Variants in ADAMTS9 observed in about 807,000 individuals in gnomAD.
ADAMTS9 encodes the protein ADAM metallopeptidase with thrombospondin type 1 motif 9.
Under a neutral mutation model 257.1 loss-of-function variants are expected in ADAMTS9, and 107 were observed. The observed-to-expected ratio is 0.42, with a 90% CI of 0.36 to 0.49. ADAMTS9 has a LOEUF of 0.49. Ranked by LOEUF, ADAMTS9 falls within the 20% of genes least tolerant of loss-of-function variation. The pLI, the probability that ADAMTS9 is intolerant of heterozygous loss-of-function variation, is 0.03. For synonymous variants in ADAMTS9, 982 were observed against 880.9 expected (o/e 1.11, Z -2.03); for missense variants, 2,353 against 2,469.1 (o/e 0.95, Z 1.00).
chr3:64,682,598 G>A (rs1322747788), intron 2 of ADAMTS9, among the ~76,000 whole-genome samples: 1 of 152,006 alleles, frequency 6.6e-6, no homozygotes, highest in African/African-American at 2.4e-5. Flanking sequence ...CTCATTTCCC[G>A]TGCTGGAAAA....
At chr3:64,685,847 G>T (rs1207119631) in intron 2 of ADAMTS9, among the ~76,000 whole-genome samples, 1 of 151,996 alleles carries the variant, frequency 6.6e-6, no homozygotes, top group Non-Finnish European at 1.5e-5. Context: ...CCACTATCCC[G>T]TTTCTCCCGG....
At chr3:64,627,010 G>T (rs1700239368) in intron 16 of ADAMTS9, among the ~76,000 whole-genome samples, 1 of 152,208 alleles carries the variant, frequency 6.6e-6, no homozygotes, top group Non-Finnish European at 1.5e-5. Flanking sequence ...CATTCAAATG[G>T]TGACAGTATG....
intron 3 of ADAMTS9, among the ~76,000 whole-genome samples, chr3:64,661,586 T>C (rs1390639602): frequency 6.6e-6 from 1 of 152,214 alleles, no homozygotes; most frequent in African/African-American, 2.4e-5. Context: ...CCCGAAATTG[T>C]GCTCTTTCGA....
rs112547780 is a variant in ADAMTS9, at chr3:64,633,816, C to T, written c.1920G>A (p.Glu640=). The part of the protein sequence containing the change: ...RRMKFKSCNT[E]PCLKQKRDFR... ...AGTCTCGCTTCTGCTTGAGACATGG[C>T]TCCGTGTTGCAGGACTTAAATTTCA... The change falls in exon 13 of 40, where the codon GAG becomes GAA. Residue 640 remains glutamate (E), a synonymous_variant. Coordinates refer to ENST00000498707, the MANE Select transcript of ADAMTS9 (RefSeq NM_182920.2). The T allele has an allele frequency of 2.2e-5, 35 of 1,613,356 alleles. No individual in the cohort carries two copies. Among genetic ancestry groups the T allele is most frequent in the African/African-American group, 1.1e-4 (8 of 74,818 alleles).
intron 21 of ADAMTS9, among the ~76,000 whole-genome samples, chr3:64,613,743 G>T (rs555345318): frequency 3.9e-4 from 60 of 152,182 alleles, no homozygotes; most frequent in African/African-American, 1.4e-3. Flanking sequence ...ACTAAACACA[G>T]CTCCATGCTA....
chr3:64,536,623 G>A (rs1410287243), intron 37 of ADAMTS9, among the ~76,000 whole-genome samples: 2 of 152,188 alleles, frequency 1.3e-5, no homozygotes, highest in Admixed American at 1.3e-4. Flanking sequence ...CGGCAGCTGT[G>A]TAGGTTTGGG....
At chr3:64,651,193 TC>T in intron 8 of ADAMTS9, 30 bp from the exon 9 acceptor site, 1 of 1,542,048 alleles carries the variant, frequency 6.5e-7, no homozygotes. Context: ...GATGAGAATG[TC>T]AATAAACACC....
chr3:64,649,409 T>C (rs1013527654), intron 10 of ADAMTS9, among the ~76,000 whole-genome samples: 2 of 152,146 alleles, frequency 1.3e-5, no homozygotes, highest in Middle Eastern at 3.2e-3. Flanking sequence ...CATCTTCCTT[T>C]TGGACTGTCA....
At chr3:64,534,859 A>G (rs1173133925) in intron 37 of ADAMTS9, among the ~76,000 whole-genome samples, 4 of 152,168 alleles carry the variant, frequency 2.6e-5, no homozygotes, top group African/African-American at 9.6e-5. Flanking sequence ...ACAGCCCACA[A>G]TAGAGAATTC....
At chr3:64,522,541 C>A in intron 38 of ADAMTS9, 1 of 262,044 alleles carries the variant, frequency 3.8e-6, no homozygotes, top group Non-Finnish European at 7.2e-6. Context: ...TTTCTTGACA[C>A]ATAAAATCAT....
At chr3:64,609,689 T>C (rs1489156596) in intron 22 of ADAMTS9, among the ~76,000 whole-genome samples, 2 of 152,184 alleles carry the variant, frequency 1.3e-5, no homozygotes, top group African/African-American at 4.8e-5. Context: ...TTAGTATTGC[T>C]AAGGTGACAA....
chr3:64,636,449 G>A (rs192058652), intron 12 of ADAMTS9, among the ~76,000 whole-genome samples: 41 of 152,178 alleles, frequency 2.7e-4, no homozygotes, highest in Non-Finnish European at 4.4e-4. Context: ...TCTGTAAAAG[G>A]GAGATGATAC....
At chr3:64,592,178 ACAATTAAAAGCCTTG>A (rs2084274870) in intron 28 of ADAMTS9, among the ~76,000 whole-genome samples, 1 of 152,238 alleles carries the variant, frequency 6.6e-6, no homozygotes, top group Non-Finnish European at 1.5e-5. Context: ...TTTTAAGATC[ACAATTAAAAGCCTTG>A]CAGAAGTGGC....
intron 38 of ADAMTS9, among the ~76,000 whole-genome samples, chr3:64,523,052 G>C (rs997923901): frequency 6.6e-5 from 10 of 152,098 alleles, no homozygotes; most frequent in African/African-American, 2.4e-4. Flanking sequence ...ATGAAAATGA[G>C]TAAGTTTCCA....
chr3:64,547,376 C>T (rs926155721), intron 31 of ADAMTS9, among the ~76,000 whole-genome samples: 55 of 152,026 alleles, frequency 3.6e-4, no homozygotes, highest in African/African-American at 1.2e-3. Context: ...ACCCGTGAGT[C>T]GGCATTTTGA....
chr3:64,600,228 C>A (rs2084434340), intron 26 of ADAMTS9, among the ~76,000 whole-genome samples: 2 of 152,052 alleles, frequency 1.3e-5, no homozygotes, highest in Non-Finnish European at 2.9e-5. Context: ...GCAGGAAGAC[C>A]ATGTACAGTT....
intron 3 of ADAMTS9, among the ~76,000 whole-genome samples, chr3:64,675,757 A>AT (rs1244624378): frequency 1.3e-5 from 2 of 152,188 alleles, no homozygotes; most frequent in African/African-American, 4.8e-5. Flanking sequence ...GCTGTGTGAC[A>AT]TTTTGGACAA....
intron 39 of ADAMTS9, among the ~76,000 whole-genome samples, chr3:64,518,825 T>C (rs1488882019): frequency 1.5e-5 from 2 of 135,140 alleles, no homozygotes; most frequent in Non-Finnish European, 3.1e-5. Context: ...CAGGCTGGAG[T>C]GCAGTGGCGG....
At chr3:64,607,633 G>A (rs909134949) in intron 22 of ADAMTS9, among the ~76,000 whole-genome samples, 17 of 152,294 alleles carry the variant, frequency 1.1e-4, no homozygotes, top group African/African-American at 3.6e-4. Flanking sequence ...AAAACAGTAA[G>A]TAGAGGAAGT....
Sources: gnomAD v4.1 joint callset for allele counts (sites outside exome capture counted in the v4.1 genomes callset) on GRCh38, gnomAD v4.1.1 for gene constraint, MANE v1.5 for transcripts, NCBI Gene and HGNC (gene_info 2026-07-23, HGNC 2026-07-21) for gene names.